ARHGAP6: variants seen among roughly 807,000 people sequenced by gnomAD.
The protein encoded by ARHGAP6 is Rho GTPase activating protein 6.
In ARHGAP6, 16 loss-of-function variants were observed where a neutral mutation model predicts 55.7. That is an observed-to-expected ratio of 0.29 (90% CI 0.19 to 0.44). ARHGAP6 has a LOEUF of 0.44. Ranked by LOEUF, ARHGAP6 falls within the 20% of genes least tolerant of loss-of-function variation. The pLI, the probability that ARHGAP6 is intolerant of heterozygous loss-of-function variation, is 1.00. For synonymous variants in ARHGAP6, 382 were observed against 360.9 expected, an observed-to-expected ratio of 1.06 and a Z score of -0.66; for missense variants, 698 against 808.9, an observed-to-expected ratio of 0.86 and a Z score of 1.66.
At chrX:11,539,787 G>T (rs1231759051) in intron 1 of ARHGAP6, among the ~76,000 whole-genome samples, 1 of 111,902 alleles carries the variant, frequency 8.9e-6, no homozygotes, top group Non-Finnish European at 1.9e-5. Flanking sequence ...AAAGGATACA[G>T]ACCTCCAAAT....
At chrX:11,496,174 G>A (rs1444947486) in intron 1 of ARHGAP6, among the ~76,000 whole-genome samples, 1 of 112,425 alleles carries the variant, frequency 8.9e-6, no homozygotes, top group Non-Finnish European at 1.9e-5. Flanking sequence ...TAATAAATAT[G>A]TATTGTCTTA....
chrX:11,216,492 A>G (rs1217183433), intron 2 of ARHGAP6, among the ~76,000 whole-genome samples: 1 of 111,576 alleles, frequency 9.0e-6, no homozygotes, highest in Non-Finnish European at 1.9e-5. Context: ...TGTCTCACCA[A>G]AAATACAAAT....
chrX:11,616,592 T>A (rs1461621355), intron 1 of ARHGAP6, among the ~76,000 whole-genome samples: 1 of 111,652 alleles, frequency 9.0e-6, no homozygotes, highest in Non-Finnish European at 1.9e-5. Flanking sequence ...CCTCGCAAAG[T>A]GCTAGGATTA....
chrX:11,490,142 T>A (rs752920850), intron 1 of ARHGAP6, among the ~76,000 whole-genome samples: 1 of 111,578 alleles, frequency 9.0e-6, no homozygotes, highest in South Asian at 3.8e-4. Context: ...TGTGACTTAC[T>A]TTGTACCAAC....
chrX:11,139,028 C>G lies in ARHGAP6; in HGVS notation c.2760G>C (p.Gln920His). Reference sequence around the variant, plus strand: ...CGCTGCTCAGTTTTTTCTGCGTGACCTGCTGCTCTCGCTCGGCTGCTTGGC... The same window carrying G: ...CGCTGCTCAGTTTTTTCTGCGTGACGTGCTGCTCTCGCTCGGCTGCTTGGC... ...QGGQAAEREQ[Q>H]VTQKKLSSAN... The change falls in exon 13 of 13, where the codon CAG (glutamine) becomes CAC (histidine). Residue 920 changes from glutamine to histidine, a missense_variant. By Grantham distance (24) the Gln-to-His change is conservative. Around this residue, in one of 3 missense-constraint regions of ARHGAP6, gnomAD observed 212 missense variants for 208.7 expected, o/e 1.02. Coordinates refer to ENST00000337414, the MANE Select transcript of ARHGAP6 (RefSeq NM_013427.3). The G allele has an allele frequency of 8.3e-7, 1 of 1,208,432 alleles. No homozygotes were observed. The highest frequency in any genetic ancestry group is 1.1e-6 in the Non-Finnish European group (1 of 894,335).
chrX:11,451,961 G>GT (rs2050147541), intron 1 of ARHGAP6, among the ~76,000 whole-genome samples: 1 of 111,708 alleles, frequency 9.0e-6, no homozygotes, highest in Admixed American at 9.5e-5. Flanking sequence ...CCACAATTAC[G>GT]TATCAACCCC....
chrX:11,302,485 A>T (rs1270473479), intron 1 of ARHGAP6, among the ~76,000 whole-genome samples: 2 of 111,787 alleles, frequency 1.8e-5, no homozygotes, highest in Non-Finnish European at 3.8e-5. Flanking sequence ...AACTTTACAT[A>T]CTAAAATGGT....
chrX:11,660,294 C>T (rs185028926), intron 1 of ARHGAP6, among the ~76,000 whole-genome samples: 3 of 109,583 alleles, frequency 2.7e-5, no homozygotes, highest in Admixed American at 1.9e-4. Context: ...GGTGTGGTGG[C>T]TCATGCCTGT....
intron 1 of ARHGAP6, among the ~76,000 whole-genome samples, chrX:11,359,966 A>C (rs2048987530): frequency 1.8e-5 from 2 of 111,898 alleles, no homozygotes; most frequent in Non-Finnish European, 3.8e-5. Context: ...GAAGAAGTTG[A>C]ATCTCTGAAT....
At chrX:11,215,258 A>G (rs2046863555) in intron 2 of ARHGAP6, among the ~76,000 whole-genome samples, 1 of 112,976 alleles carries the variant, frequency 8.9e-6, no homozygotes, top group Non-Finnish European at 1.9e-5. Context: ...GGTGACTCCC[A>G]CTGAGATAGC....
chrX:11,642,255 G>T (rs771110044), intron 1 of ARHGAP6, among the ~76,000 whole-genome samples: 1 of 111,596 alleles, frequency 9.0e-6, no homozygotes, highest in African/African-American at 3.2e-5. Flanking sequence ...TCACTTAAAC[G>T]TATCTACAGC....
chrX:11,500,678 A>G (rs1431732516), intron 1 of ARHGAP6, among the ~76,000 whole-genome samples: 1 of 108,847 alleles, frequency 9.2e-6, no homozygotes, highest in East Asian at 2.8e-4. Flanking sequence ...AAAAAAAAAA[A>G]AAAAAAGAAG....
At chrX:11,364,646 AT>A (rs2049053081) in intron 1 of ARHGAP6, among the ~76,000 whole-genome samples, 1 of 112,032 alleles carries the variant, frequency 8.9e-6, no homozygotes, top group African/African-American at 3.3e-5. Flanking sequence ...GGAAATGCAT[AT>A]CAGATTAAGT....
chrX:11,177,903 G>A (rs1379549126), intron 8 of ARHGAP6, among the ~76,000 whole-genome samples, 197 bp downstream of exon 8: 1 of 111,544 alleles, frequency 9.0e-6, no homozygotes, highest in Non-Finnish European at 1.9e-5. Context: ...AAACATATAA[G>A]GAGGCTCATG....
chrX:11,664,711 G>A lies in ARHGAP6; in HGVS notation c.118C>T (p.Pro40Ser). 1 of 1,187,507 alleles carries A rather than the reference G, an allele frequency of 8.4e-7. No homozygotes were observed. Among genetic ancestry groups the A allele is most frequent in the Non-Finnish European group, 1.1e-6 (1 of 885,159 alleles). Residue 40 changes from proline (P) to serine (S), a missense_variant, in exon 1 of 13, where the codon CCG becomes TCG. Pro to Ser is a moderately conservative substitution (Grantham distance 74, BLOSUM62 -1). This residue lies in a region of ARHGAP6 where 164 missense variants were observed against 149.2 expected (regional missense o/e 1.10). Coordinates refer to ENST00000337414, the MANE Select transcript of ARHGAP6 (RefSeq NM_013427.3). The stretch of plus-strand genomic sequence containing the variant: ...CTCCCGCAGCCGCCGATCAGGGCCG[G>A]GTCCAGGCTGCGGGTCTGGCGCAGC... Reference protein sequence around the residue: ...RKLRQTRSLDPALIGGCGSDE... With the variant: ...RKLRQTRSLDSALIGGCGSDE...
At chrX:11,169,827 G>A (rs1162853655) in intron 8 of ARHGAP6, 143 bp from the exon 9 acceptor site, 1 of 419,705 alleles carries the variant, frequency 2.4e-6, no homozygotes, top group Admixed American at 5.5e-5. Flanking sequence ...AATCCATGGA[G>A]GGCATCATTA....
intron 1 of ARHGAP6, among the ~76,000 whole-genome samples, chrX:11,263,102 G>T (rs921872740): frequency 9.0e-6 from 1 of 111,107 alleles, no homozygotes; most frequent in Non-Finnish European, 1.9e-5. Context: ...TGGAGGTGGG[G>T]CCTGGTGGGA....
At chrX:11,492,912 GTCT>G (rs2050585452) in intron 1 of ARHGAP6, among the ~76,000 whole-genome samples, 1 of 111,561 alleles carries the variant, frequency 9.0e-6, no homozygotes, top group Non-Finnish European at 1.9e-5. Flanking sequence ...CAAGGTGCAC[GTCT>G]TCTTCATACT....
intron 1 of ARHGAP6, among the ~76,000 whole-genome samples, chrX:11,400,760 A>G (rs978455223): frequency 7.1e-5 from 8 of 112,199 alleles, no homozygotes; most frequent in African/African-American, 2.6e-4. Flanking sequence ...AGCATGAACT[A>G]TCACTGTATG....
Sources: allele counts gnomAD v4.1 joint callset (sites outside exome capture counted in the v4.1 genomes callset), GRCh38; gene constraint gnomAD v4.1.1; regional missense constraint gnomAD v4.1.1; transcripts MANE v1.5; gene names NCBI Gene and HGNC (gene_info 2026-07-23, HGNC 2026-07-21).